LRTM3: variants seen among roughly 807,000 people sequenced by gnomAD.
LRTM3 encodes leucine rich repeat transmembrane protein 3, also known as leucine-rich repeat transmembrane protein 3.
chr13:102,746,499 T>A, the LRTM3 span: 1 of 1,551,160 alleles, frequency 6.4e-7, no homozygotes, highest in Non-Finnish European at 8.7e-7. Context: ...GTTTGGTTTA[T>A]CTTTTTAAAC....
chr13:102,738,986 T>C, the LRTM3 span: 1 of 1,550,566 alleles, frequency 6.4e-7, no homozygotes, highest in Non-Finnish European at 8.7e-7. Context: ...GCTTAAACTA[T>C]CATCAATTGG....
chr13:102,733,038 G>A, the LRTM3 span: 1 of 1,551,406 alleles, frequency 6.4e-7, no homozygotes, highest in Non-Finnish European at 8.7e-7. Context: ...ATATCCATGT[G>A]TATTCCTGGT....
chr13:102,749,022 T>G, the LRTM3 span: 25 of 1,550,876 alleles, frequency 1.6e-5, 1 homozygote, highest in Middle Eastern at 5.0e-4. Flanking sequence ...AGTTGTTTTC[T>G]GGAATAATTT....
chr13:102,732,077 G>A, the LRTM3 span: 3 of 1,551,336 alleles, frequency 1.9e-6, no homozygotes, highest in African/African-American at 1.4e-5. Flanking sequence ...AAAGGGCTGG[G>A]GATCTTGTGG....
At chr13:102,737,570 G>T in the LRTM3 span, 1 of 1,550,050 alleles carries the variant, frequency 6.5e-7, no homozygotes. Flanking sequence ...CCTTTTCCCT[G>T]GCTCTTTAGG....
At chr13:102,748,427 A>C in the LRTM3 span, 3 of 1,551,216 alleles carry the variant, frequency 1.9e-6, no homozygotes, top group Non-Finnish European at 2.6e-6. Context: ...AAGTTCCAAA[A>C]AATCTTTTTG....
the LRTM3 span, chr13:102,749,649 GC>G: frequency 1.9e-6 from 3 of 1,551,354 alleles, no homozygotes; most frequent in Admixed American, 5.9e-5. Context: ...CTAGAAAATG[GC>G]TTCTTCATCA....
At chr13:102,737,098 G>A in the LRTM3 span, 1 of 1,551,124 alleles carries the variant, frequency 6.4e-7, no homozygotes, top group Non-Finnish European at 8.7e-7. Flanking sequence ...CAGGGATATT[G>A]AGTGTATGTG....
the LRTM3 span, chr13:102,732,670 A>T: frequency 6.4e-7 from 1 of 1,551,164 alleles, no homozygotes; most frequent in Non-Finnish European, 8.7e-7. Flanking sequence ...GAGATAGAAG[A>T]TGCGGGTGTG....
At chr13:102,749,147 T>A in the LRTM3 span, 1 of 1,550,672 alleles carries the variant, frequency 6.4e-7, no homozygotes, top group Non-Finnish European at 8.7e-7. Flanking sequence ...TCCTAACTCA[T>A]TCCTATTTTT....
chr13:102,732,863 T>C, the LRTM3 span: 1 of 1,551,458 alleles, frequency 6.4e-7, no homozygotes, highest in Non-Finnish European at 8.7e-7. Context: ...TAGATTTATA[T>C]TGGTGTTTGC....
At chr13:102,748,429 ATCTTTTTGTTTCTGTGTATTTT>A in the LRTM3 span, 3 of 1,551,220 alleles carry the variant, frequency 1.9e-6, no homozygotes, top group Non-Finnish European at 2.6e-6. Context: ...GTTCCAAAAA[ATCTTTTTGTTTCTGTGTATTTT>A]CCCTTGGAAA....
the LRTM3 span, chr13:102,740,484 G>T: frequency 2.6e-6 from 4 of 1,550,012 alleles, no homozygotes; most frequent in Admixed American, 2.0e-5. Context: ...CAAGATATAT[G>T]CTCCCAAAAG....
chr13:102,739,876 G>C, the LRTM3 span: 1 of 1,550,080 alleles, frequency 6.5e-7, no homozygotes, highest in South Asian at 1.2e-5. Context: ...TGACCATTTT[G>C]TCTGTCATGT....
chr13:102,755,947 ATATATATATATATATT>A, the LRTM3 span, among the ~76,000 whole-genome samples: 8,174 of 78,502 alleles, frequency 0.1, 276 homozygotes, highest in South Asian at 0.16. Context: ...ATATACATAT[ATATATATATATATATT>A]TTTTTTTTTT....
At chr13:102,736,534 G>C in the LRTM3 span, 1 of 1,551,144 alleles carries the variant, frequency 6.4e-7, no homozygotes, top group Non-Finnish European at 8.7e-7. Context: ...GTGGCATAAA[G>C]CTTCTTGTTA....
chr13:102,736,332 T>C, the LRTM3 span: 1 of 1,551,148 alleles, frequency 6.4e-7, no homozygotes, highest in East Asian at 2.4e-5. Flanking sequence ...TCAGTGATGC[T>C]GAACACTTGT....
the LRTM3 span, chr13:102,739,395 C>T: frequency 8.4e-6 from 13 of 1,550,232 alleles, no homozygotes; most frequent in East Asian, 2.7e-4. Flanking sequence ...GCAGATGATA[C>T]TCTTCTGGCA....
the LRTM3 span, among the ~76,000 whole-genome samples, chr13:102,751,388 CAT>C: frequency 3.1e-3 from 438 of 140,532 alleles, 2 homozygotes; most frequent in Non-Finnish European, 5.1e-3. Flanking sequence ...CACACACACA[CAT>C]ATCCTACTGG....
Sources: gnomAD v4.1 joint callset for allele counts (sites outside exome capture counted in the v4.1 genomes callset) on GRCh38, gnomAD v4.1.1 for gene constraint, MANE v1.5 for transcripts, NCBI Gene and HGNC (gene_info 2026-07-23, HGNC 2026-07-21) for gene names.